The following SIPA1L1 variants were observed in gnomAD, a reference collection of about 807,000 sequenced individuals.
SIPA1L1 encodes signal induced proliferation associated 1 like 1, also known as signal-induced proliferation-associated 1-like protein 1.
Under a neutral mutation model 162.7 loss-of-function variants are expected in SIPA1L1, and 26 were observed. The ratio of observed to expected loss-of-function variants is 0.16; its 90% CI spans 0.12 to 0.22. The LOEUF is 0.22. Among genes scored for constraint, SIPA1L1 ranks in the 10% least tolerant of loss-of-function variants. SIPA1L1 has a pLI of 1.00. For synonymous variants in SIPA1L1, 829 were observed against 837.4 expected, an observed-to-expected ratio of 0.99 and a Z score of 0.17; for missense variants, 1,874 against 2,241.0, an observed-to-expected ratio of 0.84 and a Z score of 3.31.
chr14:71,646,179 T>A (rs981771234), intron 7 of SIPA1L1, among the ~76,000 whole-genome samples: 1 of 140,306 alleles, frequency 7.1e-6, no homozygotes, highest in African/African-American at 2.7e-5. Context: ...TTCTTTCTAC[T>A]TTTTTTTTTT....
intron 2 of SIPA1L1, among the ~76,000 whole-genome samples, chr14:71,470,027 C>T (rs2047328979): frequency 6.6e-6 from 1 of 152,142 alleles, no homozygotes; most frequent in Non-Finnish European, 1.5e-5. Context: ...GACCCTTTAC[C>T]TGTGTCAAGG....
chr14:71,479,526 G>T (rs1284154597), intron 2 of SIPA1L1, among the ~76,000 whole-genome samples: 1 of 152,086 alleles, frequency 6.6e-6, no homozygotes, highest in Non-Finnish European at 1.5e-5. Context: ...CTCCTGAGTA[G>T]CTGGGACTAC....
chr14:71,452,174 C>A lies in SIPA1L1; in HGVS notation c.-464-60569C>A, dbSNP rs546744071. ...CACCACCATTACAGGAAACCCCCCC[C>A]TCATGTTCTCTCCCATTTCAGTACC... On this transcript the variant is annotated intron_variant, in intron 2 of 23. Transcript: ENST00000381232. Among the ~76,000 whole-genome samples, 41 of 152,072 alleles carry A rather than the reference C, an allele frequency of 2.7e-4. No homozygotes were observed. The South Asian group carries it at 3.7e-3, about 14-fold the overall frequency.
chr14:71,331,790 A>T (rs2034573239), intron 2 of SIPA1L1, among the ~76,000 whole-genome samples: 1 of 152,182 alleles, frequency 6.6e-6, no homozygotes, highest in African/African-American at 2.4e-5. Context: ...TGGGCCCCAT[A>T]TGAAGGTAGA....
At chr14:71,655,012 A>G (rs1233702767) in intron 8 of SIPA1L1, among the ~76,000 whole-genome samples, 1 of 152,158 alleles carries the variant, frequency 6.6e-6, no homozygotes, top group Non-Finnish European at 1.5e-5. Context: ...TATATTGCAT[A>G]ATGCTGGGGC....
At position 71,739,438 on chromosome 14, in the gene SIPA1L1, T is replaced by C. The variant is rs201977251; in HGVS notation, c.*277T>C. 1 of 78,164 alleles carries C rather than the reference T, an allele frequency of 1.3e-5. No individual in the cohort carries two copies. The highest frequency in any genetic ancestry group is 4.3e-4 in the East Asian group (1 of 2,310). 4.8% of individuals were successfully genotyped at this position (78,164 alleles called of 1,614,324 possible). On this transcript the variant is annotated 3_prime_UTR_variant, in exon 24 of 24. Coordinates refer to ENST00000381232, the MANE Select transcript of SIPA1L1 (RefSeq NM_001386936.1). ...GTCTTTATTTTTTTGCACAATATCT[T>C]TATCTGTTATGTATTTAAGAAGAAA... is the stretch of plus-strand genomic sequence containing the variant.
intron 2 of SIPA1L1, among the ~76,000 whole-genome samples, chr14:71,409,347 G>A (rs1209809235): frequency 1.3e-5 from 2 of 151,514 alleles, no homozygotes; most frequent in Non-Finnish European, 2.9e-5. Flanking sequence ...AAAACTTTTT[G>A]TTTTGCCAGG....
intron 2 of SIPA1L1, among the ~76,000 whole-genome samples, chr14:71,363,628 A>G (rs150163058): frequency 6.4e-4 from 97 of 152,348 alleles, no homozygotes; most frequent in East Asian, 5.8e-4. Context: ...TCAATTTTAA[A>G]TGATTGTCAT....
At chr14:71,395,678 G>T (rs989814135) in intron 2 of SIPA1L1, among the ~76,000 whole-genome samples, 5 of 152,054 alleles carry the variant, frequency 3.3e-5, no homozygotes, top group African/African-American at 1.2e-4. Context: ...CTCAAGAGCT[G>T]GTCCTGCTGT....
Position 71,587,609 on chromosome 14 carries a change from G to C in SIPA1L1, c.-264G>C. On this transcript the variant is annotated 5_prime_UTR_variant, in exon 5 of 24. An upstream open reading frame in the 5' UTR loses its in-frame stop. Coordinates refer to ENST00000381232, the MANE Select transcript of SIPA1L1 (RefSeq NM_001386936.1). ...TTATGGCAACCACAGAATCTCAGTA[G>C]TACAAGTTCCATTCAGTTTTTTCTG... 1 of 461,766 alleles carries C rather than the reference G, an allele frequency of 2.2e-6. No homozygotes were observed. The highest frequency in any genetic ancestry group is 3.8e-6 in the Non-Finnish European group (1 of 262,706). 28.6% of individuals were successfully genotyped at this position (461,766 alleles called of 1,614,324 possible).
At chr14:71,612,887 A>G (rs528991574) in intron 5 of SIPA1L1, among the ~76,000 whole-genome samples, 93 of 152,238 alleles carry the variant, frequency 6.1e-4, no homozygotes, top group African/African-American at 2.2e-3. Context: ...AAATAAAACT[A>G]TTTACCTGGA....
intron 2 of SIPA1L1, among the ~76,000 whole-genome samples, chr14:71,335,293 CTG>C (rs977876940): frequency 5.8e-4 from 89 of 152,238 alleles, no homozygotes; most frequent in African/African-American, 2.0e-3. Flanking sequence ...CAGAGTGAGA[CTG>C]TGTCTCAAAA....
chr14:71,558,620 G>A (rs974828116), intron 4 of SIPA1L1, among the ~76,000 whole-genome samples: 1 of 152,184 alleles, frequency 6.6e-6, no homozygotes, highest in African/African-American at 2.4e-5. Flanking sequence ...TAGGTAGTTT[G>A]CTGATGTAGG....
At chr14:71,653,312 G>A (rs762275100) in intron 8 of SIPA1L1, among the ~76,000 whole-genome samples, 3 of 152,042 alleles carry the variant, frequency 2.0e-5, no homozygotes, top group Non-Finnish European at 2.9e-5. Context: ...CTTATAATTC[G>A]TTGGTAGTTG....
chr14:71,634,353 G>C (rs1486496049), intron 7 of SIPA1L1, among the ~76,000 whole-genome samples: 3 of 143,810 alleles, frequency 2.1e-5, no homozygotes, highest in Non-Finnish European at 4.5e-5. Flanking sequence ...AGTGAGCCAA[G>C]ATCACGCCAC....
At chr14:71,554,118 T>C (rs2056130189) in intron 4 of SIPA1L1, among the ~76,000 whole-genome samples, 3 of 152,246 alleles carry the variant, frequency 2.0e-5, no homozygotes, top group Admixed American at 1.3e-4. Flanking sequence ...ATGGTACTGA[T>C]ACGTTATTTC....
At chr14:71,466,444 G>A (rs1435752674) in intron 2 of SIPA1L1, among the ~76,000 whole-genome samples, 1 of 152,068 alleles carries the variant, frequency 6.6e-6, no homozygotes, top group Non-Finnish European at 1.5e-5. Context: ...AACTGGCCAG[G>A]TTCATAGTAC....
intron 2 of SIPA1L1, among the ~76,000 whole-genome samples, chr14:71,390,969 T>G (rs1007037975): frequency 2.0e-5 from 3 of 152,128 alleles, no homozygotes; most frequent in African/African-American, 7.2e-5. Flanking sequence ...TATATGTATC[T>G]AATTCTTCAT....
chr14:71,675,585 A>G (rs565791768), intron 12 of SIPA1L1, among the ~76,000 whole-genome samples: 2 of 152,312 alleles, frequency 1.3e-5, no homozygotes, highest in East Asian at 3.9e-4. Context: ...AAAATAGAAT[A>G]ATGCTCTTGT....
Sources: gnomAD v4.1 joint callset for allele counts (sites outside exome capture counted in the v4.1 genomes callset) on GRCh38, gnomAD v4.1.1 for gene constraint, MANE v1.5 for transcripts, NCBI Gene and HGNC (gene_info 2026-07-23, HGNC 2026-07-21) for gene names.